The following GSTA1 variants were observed in gnomAD, a reference collection of about 807,000 sequenced individuals.
GSTA1 encodes glutathione S-transferase alpha 1.
In GSTA1, 23 loss-of-function variants were observed where a neutral mutation model predicts 21.5. The ratio of observed to expected loss-of-function variants is 1.07; its 90% CI spans 0.77 to 1.52. The LOEUF (loss-of-function observed/expected upper bound fraction) is 1.52, where lower values mean the gene tolerates loss of function less well. GSTA1 is among the 40% of genes most tolerant of loss of function. GSTA1 has a pLI of 0.00. For synonymous variants in GSTA1, 125 were observed against 90.0 expected (o/e 1.39, Z -2.20); for missense variants, 301 against 264.2 (o/e 1.14, Z -0.96).
At chr6:52,795,570 A>C (rs1282007105) in intron 4 of GSTA1, among the ~76,000 whole-genome samples, 5 of 152,190 alleles carry the variant, frequency 3.3e-5, no homozygotes, top group African/African-American at 1.2e-4. Context: ...ATTTGGAATC[A>C]TGCAGTCTCA....
intron 4 of GSTA1, among the ~76,000 whole-genome samples, chr6:52,795,446 A>C (rs1472575748): frequency 6.6e-6 from 1 of 152,192 alleles, no homozygotes; most frequent in Admixed American, 6.5e-5. Context: ...TAAAATATAT[A>C]GTGTGGATGT....
Position 52,791,709 on chromosome 6 carries a change from A to T in GSTA1, c.*149T>A, listed in dbSNP as rs1419960079. 2.3e-6 allele frequency: 2 copies of T among 879,076 alleles called. No homozygotes were observed. Among genetic ancestry groups the T allele is most frequent in the East Asian group, 5.3e-5 (2 of 38,018 alleles). The allele number at this position is 879,076 out of a possible 1,614,324, so 54.5% of individuals were successfully genotyped here. A position where few individuals can be genotyped will look rare whatever the true frequency, so the allele number is the denominator to read the frequency against. ...CAAATCAATTTTAACTAAGTCAGCG[A>T]ATAGGAGTTGTATTATTTAATTAGC... On this transcript the variant is annotated 3_prime_UTR_variant, in exon 7 of 7. Coordinates refer to ENST00000334575, the MANE Select transcript of GSTA1 (RefSeq NM_145740.5).
chr6:52,802,532 A>T (rs1763741869), intron 1 of GSTA1, among the ~76,000 whole-genome samples: 1 of 152,222 alleles, frequency 6.6e-6, no homozygotes, highest in African/African-American at 2.4e-5. Flanking sequence ...AGTGCTTGGA[A>T]GATGGGTGAG....
In GSTA1 at chr6:52,791,963, G is replaced by A; in HGVS notation, c.564C>T (p.Ile188=). ...ACTTCTTCACTGTGGGCAGGTTGCT[G>A]ATTCTGGTTTTCAGGGCCTGTAATT... ...FPLLKALKTR[I]SNLPTVKKFL... Residue 188 remains isoleucine, a synonymous_variant, in exon 7 of 7, where the codon ATC becomes ATT. Transcript: ENST00000334575. The A allele has an allele frequency of 6.2e-7, 1 of 1,613,962 alleles. No homozygotes were observed. Among genetic ancestry groups the A allele is most frequent in the Non-Finnish European group, 8.5e-7 (1 of 1,179,860 alleles).
chr6:52,796,231 T>C lies in GSTA1; in HGVS notation c.223A>G (p.Ile75Val), dbSNP rs749164532. ...CCATAGAGGTTGTATTTGCTGGCAA[T>C]GTAGTTGAGAATGGCTCTGGTCTGC... ...LVQTRAILNYIASKYNLYGKD... is the reference protein window; with the variant it reads ...LVQTRAILNYVASKYNLYGKD... The change falls in exon 4 of 7, where the codon ATT becomes GTT. Residue 75 changes from isoleucine (I) to valine (V), a missense_variant. By Grantham distance (29) the Ile-to-Val change is conservative (BLOSUM62 3). Coordinates refer to ENST00000334575, the MANE Select transcript of GSTA1 (RefSeq NM_145740.5). The C allele has an allele frequency of 6.2e-7, 1 of 1,613,810 alleles. No individual in the cohort carries two copies. The highest frequency in any genetic ancestry group is 8.5e-7 in the Non-Finnish European group (1 of 1,179,940).
chr6:52,793,169 C>T (rs959786616), intron 5 of GSTA1, among the ~76,000 whole-genome samples, 182 bp from the exon 6 acceptor site: 1 of 152,158 alleles, frequency 6.6e-6, no homozygotes, highest in Non-Finnish European at 1.5e-5. Flanking sequence ...TAACTCTACT[C>T]ACTCCTCAGT....
rs750765209 is a variant in GSTA1, at chr6:52,796,274, A to C, written c.180T>G (p.Ile60Met). The change falls in exon 4 of 7, where the codon ATT (isoleucine) becomes ATG (methionine). Residue 60 changes from isoleucine to methionine, a missense_variant. Coordinates refer to ENST00000334575, the MANE Select transcript of GSTA1 (RefSeq NM_145740.5). ...LMFQQVPMVE[I>M]DGMKLVQTRA... ...TGGTCTGCACCAGCTTCATCCCATC[A>C]ATCTCAACCATTGGCACTTGCTGGA... is the stretch of plus-strand genomic sequence containing the variant. 7 of 1,613,650 alleles carry C rather than the reference A, an allele frequency of 4.3e-6. No homozygotes were observed. In the African/African-American group the frequency reaches 6.7e-5, roughly 15 times the overall value.
chr6:52,794,050 C>T, intron 5 of GSTA1, 75 bp downstream of exon 5: 1 of 1,577,104 alleles, frequency 6.3e-7, no homozygotes, highest in Non-Finnish European at 8.7e-7. Flanking sequence ...GATCAGTGAC[C>T]CAGGAATGCC....
rs748896374 is a variant in GSTA1 at position 52,796,314 on chromosome 6, T to A, written c.140A>T (p.Asp47Val). 6.2e-7 allele frequency: 1 copy of A among 1,613,248 alleles called. No homozygotes were observed. Among genetic ancestry groups the A allele is most frequent in the African/African-American group, 1.3e-5 (1 of 74,586 alleles). ...SAEDLDKLRN[D>V]GYLMFQQVPM... ...CACTTGCTGGAACATCAAATATCCATCTTTAGAAGGAAGAAAAAAAAGGAG... is the reference window on the plus strand; with the variant it reads ...CACTTGCTGGAACATCAAATATCCAACTTTAGAAGGAAGAAAAAAAAGGAG... Residue 47 changes from aspartate to valine, a missense_variant and splice_region_variant, in exon 4 of 7, where the codon GAT (aspartate) becomes GTT (valine). By Grantham distance (152) the Asp-to-Val change is radical. Transcript: ENST00000334575.
chr6:52,794,083 C>T (rs776071565), intron 5 of GSTA1, 42 bp downstream of exon 5: 3 of 1,611,840 alleles, frequency 1.9e-6, no homozygotes, highest in Non-Finnish European at 2.5e-6. Flanking sequence ...TTCTATTGGC[C>T]TCTAAACTCA....
chr6:52,794,173 G>A lies in GSTA1; in HGVS notation c.366C>T (p.Ala122=). 1 of 1,614,044 alleles carries A rather than the reference G, an allele frequency of 6.2e-7. No homozygotes were observed. Among genetic ancestry groups the A allele is most frequent in the Admixed American group, 1.7e-5 (1 of 60,010 alleles). The change falls in exon 5 of 7, where the codon GCC becomes GCT. Residue 122 remains alanine, a synonymous_variant. Transcript: ENST00000334575. ...CPPEEKDAKL[A]LIKEKIKNRY... ...GATTTTTTATTTTCTCTTTGATCAAGGCAAGCTTGGCATCTTTTTCCTCAG... is the reference window on the plus strand; with the variant it reads ...GATTTTTTATTTTCTCTTTGATCAAAGCAAGCTTGGCATCTTTTTCCTCAG...
intron 4 of GSTA1, among the ~76,000 whole-genome samples, chr6:52,795,601 CT>C (rs1442159592): frequency 1.3e-5 from 2 of 152,084 alleles, no homozygotes; most frequent in African/African-American, 4.8e-5. Flanking sequence ...AAGGAGACCC[CT>C]TGGTTTTGCT....
At chr6:52,795,447 G>A (rs1763553919) in intron 4 of GSTA1, among the ~76,000 whole-genome samples, 1 of 152,086 alleles carries the variant, frequency 6.6e-6, no homozygotes, top group African/African-American at 2.4e-5. Context: ...AAAATATATA[G>A]TGTGGATGTA....
chr6:52,799,673 C>T (rs1378764299), intron 1 of GSTA1, among the ~76,000 whole-genome samples: 7 of 152,228 alleles, frequency 4.6e-5, no homozygotes, highest in Admixed American at 2.6e-4. Flanking sequence ...ATATCTTTAA[C>T]CCTCCTTATA....
chr6:52,794,587 T>A (rs1763534926), intron 4 of GSTA1, among the ~76,000 whole-genome samples: 1 of 152,174 alleles, frequency 6.6e-6, no homozygotes, highest in African/African-American at 2.4e-5. Context: ...ATTTATCATC[T>A]CCATTGTGGT....
Position 52,797,588 on chromosome 6 carries a change from T to A in GSTA1, c.137A>T (p.Asn46Ile), listed in dbSNP as rs1377872923. The change falls in exon 3 of 7, where the codon AAT becomes ATT. Residue 46 changes from asparagine (N) to isoleucine (I), a missense_variant and splice_region_variant. Transcript: ENST00000334575. ...AGGAACTTAGAGATTGATCTTACCA[T>A]TTCTTAACTTGTCCAAATCTTCTGC... The part of the protein sequence containing the change: ...KSAEDLDKLR[N>I]DGYLMFQQVP... 1.2e-6 allele frequency: 2 copies of A among 1,606,976 alleles called. No homozygotes were observed. Among genetic ancestry groups the A allele is most frequent in the Non-Finnish European group, 1.7e-6 (2 of 1,173,842 alleles).
At position 52,796,346 on chromosome 6, in the gene GSTA1, G is replaced by C. The variant is rs200690063; in HGVS notation, c.140-32C>G. On this transcript the variant is annotated intron_variant, in intron 3 of 6. Coordinates refer to ENST00000334575, the MANE Select transcript of GSTA1 (RefSeq NM_145740.5). ...AAGGAAGAAAAAAAAGGAGAGTGAA[G>C]TGTCTATGAAACCCACCCTTTTGGG... is the stretch of plus-strand genomic sequence containing the variant. 4.5e-4 allele frequency: 728 copies of C among 1,613,446 alleles called. 5 individuals carry two copies. In the African/African-American group the frequency reaches 8.0e-3, roughly 18 times the overall value.
rs373196337 is a variant in GSTA1 at position 52,794,082 on chromosome 6, C to T, written c.414+43G>A. 1.0e-3 allele frequency: 1,627 copies of T among 1,611,298 alleles called. 2 individuals are homozygous for T. The highest frequency in any genetic ancestry group is 1.2e-3 in the Non-Finnish European group (1,450 of 1,178,118). On this transcript the variant is annotated intron_variant, in intron 5 of 6. Transcript: ENST00000334575. Reference sequence around the variant, plus strand: ...TGCCCAGCCACTATTTTTCTATTGGCCTCTAAACTCAGTTCCCCAAAACAC... The same window carrying T: ...TGCCCAGCCACTATTTTTCTATTGGTCTCTAAACTCAGTTCCCCAAAACAC...
chr6:52,799,030 T>C, intron 2 of GSTA1, 151 bp downstream of exon 2: 2 of 710,344 alleles, frequency 2.8e-6, no homozygotes, highest in Non-Finnish European at 4.8e-6. Flanking sequence ...TAAGAATTAA[T>C]AGGTCAAATC....
Sources: allele counts gnomAD v4.1 joint callset (sites outside exome capture counted in the v4.1 genomes callset), GRCh38; gene constraint gnomAD v4.1.1; transcripts MANE v1.5; gene names NCBI Gene and HGNC (gene_info 2026-07-23, HGNC 2026-07-21).